SLC35F1: variants seen among roughly 807,000 people sequenced by gnomAD.
SLC35F1 encodes solute carrier family 35 member F1.
A neutral mutation model predicts 48.7 loss-of-function variants in SLC35F1; 14 were observed. The observed-to-expected ratio is 0.29, with a 90% CI of 0.19 to 0.45. SLC35F1 has a LOEUF of 0.45. Ranked by LOEUF, SLC35F1 falls within the 20% of genes least tolerant of loss-of-function variation. The pLI is 1.00. For missense variants in SLC35F1, 404 were observed against 500.0 expected (o/e 0.81, Z 1.83); for synonymous variants, 190 against 202.2 (o/e 0.94, Z 0.51).
At chr6:118,019,198 T>A (rs1241957426) in intron 1 of SLC35F1, among the ~76,000 whole-genome samples, 2 of 151,528 alleles carry the variant, frequency 1.3e-5, no homozygotes, top group African/African-American at 4.8e-5. Flanking sequence ...TATATTAAAA[T>A]ATATAGTATA....
chr6:118,133,654 A>T (rs1773749727), intron 1 of SLC35F1, among the ~76,000 whole-genome samples: 1 of 152,120 alleles, frequency 6.6e-6, no homozygotes, highest in South Asian at 2.1e-4. Context: ...ATAGTTTTGA[A>T]TTTTTTTCTC....
chr6:118,158,151 A>G (rs918916669), intron 2 of SLC35F1, among the ~76,000 whole-genome samples: 1 of 152,230 alleles, frequency 6.6e-6, no homozygotes, highest in Non-Finnish European at 1.5e-5. Context: ...TCAGATCCTC[A>G]CTAAGTTTGC....
At chr6:118,006,063 A>G (rs1400060376) in intron 1 of SLC35F1, among the ~76,000 whole-genome samples, 1 of 152,198 alleles carries the variant, frequency 6.6e-6, no homozygotes, top group African/African-American at 2.4e-5. Context: ...TCCCTGAGGG[A>G]AAAATCTATG....
At chr6:118,080,858 G>A (rs972483466) in intron 1 of SLC35F1, among the ~76,000 whole-genome samples, 9 of 152,048 alleles carry the variant, frequency 5.9e-5, no homozygotes, top group Admixed American at 3.3e-4. Flanking sequence ...GTTAACAGTC[G>A]GTGTAAAGAG....
At chr6:118,052,086 C>G (rs139703270) in intron 1 of SLC35F1, among the ~76,000 whole-genome samples, 3 of 152,156 alleles carry the variant, frequency 2.0e-5, no homozygotes, top group African/African-American at 7.2e-5. Context: ...GCTGGCTCTT[C>G]TCATCTCACC....
chr6:118,309,827 C>T (rs1463839575), intron 7 of SLC35F1, among the ~76,000 whole-genome samples: 2 of 152,210 alleles, frequency 1.3e-5, no homozygotes, highest in African/African-American at 4.8e-5. Flanking sequence ...CTAGGTTTAA[C>T]TCTGTCTGGA....
Position 118,307,060 on chromosome 6 carries a change from C to G in SLC35F1, c.1003-6968C>G, listed in dbSNP as rs1776319947. On this transcript the variant is annotated intron_variant, in intron 7 of 7. Coordinates refer to ENST00000360388, the MANE Select transcript of SLC35F1 (RefSeq NM_001029858.4). Reference sequence around the variant, plus strand: ...TGCCCTGGGTGATAGTGTAGGCACACAGAGGCCAAGGGCCATGGTTGCTAC... The same window carrying G: ...TGCCCTGGGTGATAGTGTAGGCACAGAGAGGCCAAGGGCCATGGTTGCTAC... Among the ~76,000 whole-genome samples, 3 of 152,208 alleles carry G rather than the reference C, an allele frequency of 2.0e-5. 1 individual carries two copies. In the South Asian group the frequency reaches 6.2e-4, roughly 31 times the overall value.
At chr6:118,010,691 G>T (rs1218395611) in intron 1 of SLC35F1, among the ~76,000 whole-genome samples, 1 of 152,116 alleles carries the variant, frequency 6.6e-6, no homozygotes, top group Admixed American at 6.6e-5. Flanking sequence ...TGTTTTGGGG[G>T]TTTTATTTTT....
At chr6:118,110,602 G>A (rs1462995960) in intron 1 of SLC35F1, among the ~76,000 whole-genome samples, 1 of 152,090 alleles carries the variant, frequency 6.6e-6, no homozygotes, top group East Asian at 1.9e-4. Flanking sequence ...TTAGGAATTA[G>A]GTTATGCTTA....
intron 1 of SLC35F1, among the ~76,000 whole-genome samples, chr6:117,930,708 T>C (rs1776089030): frequency 6.6e-6 from 1 of 152,178 alleles, no homozygotes; most frequent in Non-Finnish European, 1.5e-5. Context: ...TTATCTTCCT[T>C]CTTGACTATG....
At chr6:118,013,707 ATTG>A (rs1200647658) in intron 1 of SLC35F1, among the ~76,000 whole-genome samples, 2 of 152,078 alleles carry the variant, frequency 1.3e-5, no homozygotes, top group East Asian at 3.9e-4. Flanking sequence ...CTCTACTTGG[ATTG>A]TTATTTTTTT....
At chr6:118,169,679 T>C (rs890424458) in intron 2 of SLC35F1, among the ~76,000 whole-genome samples, 8 of 152,102 alleles carry the variant, frequency 5.3e-5, no homozygotes, top group Non-Finnish European at 1.2e-4. Flanking sequence ...TTCATCCCAA[T>C]AATCCCTCTT....
chr6:118,268,247 G>A (rs941497397), intron 4 of SLC35F1, among the ~76,000 whole-genome samples: 6 of 152,044 alleles, frequency 3.9e-5, no homozygotes, highest in East Asian at 1.9e-4. Flanking sequence ...CAAGGCCCCC[G>A]GCCTCCAGGG....
chr6:118,018,290 G>C (rs911519379), intron 1 of SLC35F1, among the ~76,000 whole-genome samples: 2 of 151,998 alleles, frequency 1.3e-5, no homozygotes, highest in Non-Finnish European at 2.9e-5. Flanking sequence ...AGAATTGCTT[G>C]AACCCGGGAG....
chr6:118,014,995 C>G (rs1777300393), intron 1 of SLC35F1, among the ~76,000 whole-genome samples: 1 of 152,192 alleles, frequency 6.6e-6, no homozygotes, highest in Non-Finnish European at 1.5e-5. Context: ...ATAATTGAAT[C>G]ACAGGGGCAG....
At chr6:118,228,169 A>G (rs1775241856) in intron 2 of SLC35F1, among the ~76,000 whole-genome samples, 1 of 152,136 alleles carries the variant, frequency 6.6e-6, no homozygotes, top group African/African-American at 2.4e-5. Context: ...ACAAGATAAA[A>G]TTTATTTATC....
At chr6:117,983,948 C>T (rs1319624069) in intron 1 of SLC35F1, among the ~76,000 whole-genome samples, 1 of 151,872 alleles carries the variant, frequency 6.6e-6, no homozygotes, top group Non-Finnish European at 1.5e-5. Context: ...AATTGGCCTT[C>T]CTTGGTCCTT....
intron 2 of SLC35F1, among the ~76,000 whole-genome samples, chr6:118,168,223 G>A (rs1429982356): frequency 6.6e-5 from 10 of 152,040 alleles, no homozygotes; most frequent in South Asian, 2.1e-4. Context: ...AGTTGTGGCC[G>A]CTTCTTGGTT....
chr6:117,972,927 T>C (rs1776661687), intron 1 of SLC35F1, among the ~76,000 whole-genome samples: 1 of 152,248 alleles, frequency 6.6e-6, no homozygotes, highest in African/African-American at 2.4e-5. Context: ...ACAAGCATTA[T>C]GATAAATGTT....
Sources: allele counts gnomAD v4.1 joint callset (sites outside exome capture counted in the v4.1 genomes callset), GRCh38; gene constraint gnomAD v4.1.1; transcripts MANE v1.5; gene names NCBI Gene and HGNC (gene_info 2026-07-23, HGNC 2026-07-21).